SLC41A3: variants seen among roughly 807,000 people sequenced by gnomAD.
SLC41A3 encodes the protein solute carrier family 41 member 3.
A neutral mutation model predicts 45.4 loss-of-function variants in SLC41A3; 44 were observed. The ratio of observed to expected loss-of-function variants is 0.97; its 90% CI spans 0.76 to 1.25. The LOEUF (loss-of-function observed/expected upper bound fraction) is 1.25, where lower values mean the gene tolerates loss of function less well. Among genes scored for constraint, SLC41A3 ranks in the 50% most tolerant of loss-of-function variants. SLC41A3 has a pLI of 0.00. For missense variants in SLC41A3, 550 were observed against 600.6 expected (o/e 0.92, Z 0.88); for synonymous variants, 256 against 252.4 (o/e 1.01, Z -0.13).
intron 1 of SLC41A3, among the ~76,000 whole-genome samples, chr3:126,094,211 A>T (rs1945549424): frequency 6.6e-6 from 1 of 152,232 alleles, no homozygotes. Context: ...ACTAGAAAAA[A>T]GTTTGCAAGA....
intron 1 of SLC41A3, among the ~76,000 whole-genome samples, chr3:126,080,358 A>C (rs568549595): frequency 5.6e-5 from 6 of 106,212 alleles, no homozygotes; most frequent in East Asian, 2.3e-4. Flanking sequence ...GAATTCAAAC[A>C]ACTCAATATA....
chr3:126,036,944 C>A (rs1268564819), intron 3 of SLC41A3, among the ~76,000 whole-genome samples: 1 of 152,156 alleles, frequency 6.6e-6, no homozygotes, highest in Non-Finnish European at 1.5e-5. Context: ...ATACCCTGCA[C>A]CCAACCTCTC....
chr3:126,013,278 G>A (rs1034797767), intron 8 of SLC41A3, among the ~76,000 whole-genome samples: 2 of 151,878 alleles, frequency 1.3e-5, no homozygotes, highest in African/African-American at 4.8e-5. Flanking sequence ...AATGAGAGGG[G>A]GCCAGGCATG....
At chr3:126,094,116 G>A (rs1342854228) in intron 1 of SLC41A3, among the ~76,000 whole-genome samples, 4 of 152,158 alleles carry the variant, frequency 2.6e-5, no homozygotes, top group Non-Finnish European at 4.4e-5. Context: ...CAACAATGGG[G>A]AGCACAAGTT....
chr3:126,092,458 G>T (rs759904155), intron 1 of SLC41A3: 1 of 152,150 alleles, frequency 6.6e-6, no homozygotes, highest in Non-Finnish European at 1.5e-5. Flanking sequence ...TAATAAATAC[G>T]TGGGTAAATC....
intron 3 of SLC41A3, among the ~76,000 whole-genome samples, chr3:126,034,597 G>GTCCCTGTT (rs1380228082): frequency 6.6e-6 from 1 of 152,234 alleles, no homozygotes; most frequent in Admixed American, 6.5e-5. Flanking sequence ...CACCGCAGGT[G>GTCCCTGTT]TCCCTGTTTG....
intron 2 of SLC41A3, chr3:126,057,797 C>T (rs962670339): frequency 2.6e-5 from 4 of 152,256 alleles, no homozygotes; most frequent in African/African-American, 9.6e-5. Context: ...TTCATTTACT[C>T]ATTCATTCAA....
At chr3:126,012,898 C>G in intron 8 of SLC41A3, 149 bp from the exon 9 acceptor site, 2 of 1,279,360 alleles carry the variant, frequency 1.6e-6, no homozygotes, top group South Asian at 1.5e-5. Context: ...GACCACAGAT[C>G]TTGTTTGGCA....
chr3:126,057,459 T>A (rs1354272890), intron 2 of SLC41A3, among the ~76,000 whole-genome samples: 2 of 152,214 alleles, frequency 1.3e-5, no homozygotes, highest in East Asian at 3.9e-4. Flanking sequence ...GAACAGAATG[T>A]TCAGGCCTGA....
chr3:126,023,625 A>G (rs1322692750), intron 5 of SLC41A3: 1 of 152,316 alleles, frequency 6.6e-6, no homozygotes, highest in Non-Finnish European at 1.5e-5. Flanking sequence ...TCCATGGTGC[A>G]CTGGGAAGCA....
chr3:126,007,709 G>A (rs924231881), intron 10 of SLC41A3, among the ~76,000 whole-genome samples: 4 of 152,180 alleles, frequency 2.6e-5, no homozygotes, highest in Non-Finnish European at 5.9e-5. Flanking sequence ...CCCAACTGGA[G>A]TCATAAGCTG....
intron 4 of SLC41A3, among the ~76,000 whole-genome samples, chr3:126,031,185 A>G (rs1210234887): frequency 2.0e-5 from 3 of 152,244 alleles, no homozygotes; most frequent in East Asian, 1.9e-4. Flanking sequence ...AACATTTTCA[A>G]TGCTAATGAG....
At chr3:126,052,531 GC>G (rs1362456580) in intron 2 of SLC41A3, among the ~76,000 whole-genome samples, 1 of 152,156 alleles carries the variant, frequency 6.6e-6, no homozygotes, top group Non-Finnish European at 1.5e-5. Context: ...CTGAACAAGT[GC>G]CTGTTCTCAC....
chr3:126,026,208 G>A lies in SLC41A3; in HGVS notation c.598+127C>T. On this transcript the variant is annotated intron_variant, in intron 5 of 10. Transcript: ENST00000360370. The surrounding 1 kb of genome is among the most constrained non-coding windows in gnomAD (Gnocchi z 4.2). ...GTCCCACCCTGCCAGTGAGAACCCT[G>A]AGCCCACCATCAGTCCCATTAGCAG... 2 of 1,402,336 alleles carry A rather than the reference G, an allele frequency of 1.4e-6. No homozygotes were observed. The highest frequency in any genetic ancestry group is 1.5e-5 in the South Asian group (1 of 68,472). 86.9% of individuals were successfully genotyped at this position (1,402,336 alleles called of 1,614,324 possible).
In SLC41A3 at chr3:126,077,944, C is replaced by T. The variant is rs11921661; in HGVS notation, c.-28+6149G>A. ...TTGGCGGCACCCTCGGTGGCAGGAACGGTGCCCCTCATCCAGCCCAGAGAA... is the reference window on the plus strand; with the variant it reads ...TTGGCGGCACCCTCGGTGGCAGGAATGGTGCCCCTCATCCAGCCCAGAGAA... On this transcript the variant is annotated intron_variant, in intron 1 of 10. Coordinates refer to ENST00000360370, the MANE Select transcript of SLC41A3 (RefSeq NM_017836.4). 5.2e-3 allele frequency among the ~76,000 whole-genome samples: 786 copies of T among 152,308 alleles called. 6 individuals carry two copies. Among genetic ancestry groups the T allele is most frequent in the African/African-American group, 0.018 (732 of 41,582 alleles).
intron 6 of SLC41A3, among the ~76,000 whole-genome samples, chr3:126,020,639 C>T (rs549216498): frequency 9.8e-5 from 15 of 152,300 alleles, no homozygotes; most frequent in Non-Finnish European, 1.5e-4. Context: ...CAGGCCATGA[C>T]GGGTAGTGGG....
chr3:126,044,705 A>G (rs940505946), intron 3 of SLC41A3, among the ~76,000 whole-genome samples: 8 of 151,604 alleles, frequency 5.3e-5, no homozygotes, highest in African/African-American at 1.2e-4. Flanking sequence ...ACCATCCTGG[A>G]TAACACAGTG....
upstream of SLC41A3, among the ~76,000 whole-genome samples, chr3:126,085,685 C>T (rs148886957): frequency 1.2e-4 from 18 of 152,212 alleles, no homozygotes; most frequent in East Asian, 2.5e-3. Context: ...GGCTTGTCTG[C>T]GCATTTGTGT....
intron 3 of SLC41A3, among the ~76,000 whole-genome samples, chr3:126,036,008 C>A (rs1173934454): frequency 6.6e-6 from 1 of 152,158 alleles, no homozygotes; most frequent in East Asian, 1.9e-4. Flanking sequence ...CAGAGAGCAA[C>A]CCAGATTTTC....
Sources: gnomAD v4.1 joint callset for allele counts (sites outside exome capture counted in the v4.1 genomes callset) on GRCh38, gnomAD v4.1.1 for gene constraint, Gnocchi (gnomAD v3.1) non-coding constraint, MANE v1.5 for transcripts, NCBI Gene and HGNC (gene_info 2026-07-23, HGNC 2026-07-21) for gene names.